The following TGM3 variants were observed in gnomAD, a reference collection of about 807,000 sequenced individuals.
TGM3 encodes the protein protein-glutamine gamma-glutamyltransferase E.
In TGM3, 52 loss-of-function variants were observed where a neutral mutation model predicts 73.8. The observed-to-expected ratio is 0.70, with a 90% CI of 0.56 to 0.89. TGM3 has a LOEUF of 0.89. Among genes scored for constraint, TGM3 ranks in the 40% least tolerant of loss-of-function variants. The pLI, the probability that TGM3 is intolerant of heterozygous loss-of-function variation, is 0.00. For missense variants in TGM3, 928 were observed against 909.9 expected (o/e 1.02, Z -0.26); for synonymous variants, 372 against 354.9 (o/e 1.05, Z -0.54).
At chr20:2,302,463 GCTTATTTCTTC>G (rs1190006641) in intron 1 of TGM3, among the ~76,000 whole-genome samples, 1 of 152,150 alleles carries the variant, frequency 6.6e-6, no homozygotes, top group African/African-American at 2.4e-5. Context: ...TAAGACAGAA[GCTTATTTCTTC>G]CTTACACGAA....
At chr20:2,331,935 G>A in intron 9 of TGM3, 67 bp from the exon 10 acceptor site, 1 of 1,530,132 alleles carries the variant, frequency 6.5e-7, no homozygotes, top group Middle Eastern at 1.8e-4. Flanking sequence ...TGTCCAGGCA[G>A]GGTACTGTCC....
intron 1 of TGM3, among the ~76,000 whole-genome samples, chr20:2,308,645 T>C (rs541360994): frequency 6.6e-6 from 1 of 152,324 alleles, no homozygotes; most frequent in African/African-American, 2.4e-5. Context: ...GGCTGAGGAT[T>C]CCCCAATTGC....
rs752590880 is a variant in TGM3, at chr20:2,328,372, G to A, written c.1333+7G>A. On this transcript the variant is annotated splice_region_variant and intron_variant, in intron 9 of 12. Transcript: ENST00000381458. The surrounding 1 kb of genome is among the most constrained non-coding windows in gnomAD (Gnocchi z 5.2). Reference sequence around the variant, plus strand: ...AAGTACAAGTACCCAGAAGGTAGGAGGGACGCTGGCGGGGCAGTGCCGCGA... The same window carrying A: ...AAGTACAAGTACCCAGAAGGTAGGAAGGACGCTGGCGGGGCAGTGCCGCGA... 3 of 1,613,760 alleles carry A rather than the reference G, an allele frequency of 1.9e-6. No homozygotes were observed. The Admixed American group carries it at 5.0e-5, about 27-fold the overall frequency.
intron 2 of TGM3, 118 bp from the exon 3 acceptor site, chr20:2,310,059 TG>T: frequency 6.8e-7 from 1 of 1,466,246 alleles, no homozygotes; most frequent in Non-Finnish European, 9.2e-7. Flanking sequence ...TTACTTCCAG[TG>T]GTAGAATATG....
chr20:2,312,345 C>T (rs777097119), intron 4 of TGM3, among the ~76,000 whole-genome samples: 6 of 131,150 alleles, frequency 4.6e-5, no homozygotes, highest in African/African-American at 1.4e-4. Context: ...CACGATGAGC[C>T]GAGATCATAC....
chr20:2,338,349 T>TA (rs2084362652), intron 11 of TGM3, among the ~76,000 whole-genome samples: 1 of 151,566 alleles, frequency 6.6e-6, no homozygotes, highest in Admixed American at 6.6e-5. Flanking sequence ...TAAGCGGCAT[T>TA]AAAAAAAGAA....
chr20:2,311,114 C>T lies in TGM3; in HGVS notation c.525C>T (p.Gly175=). The change falls in exon 4 of 13, where the codon GGC becomes GGT. Residue 175 remains glycine (G), a synonymous_variant. Coordinates refer to ENST00000381458, the MANE Select transcript of TGM3 (RefSeq NM_003245.4). ...GCACAAACCGAATTGGCATGATTGGCTGGAACTTTGGACAGGTAAAAGGGT... is the reference window on the plus strand; with the variant it reads ...GCACAAACCGAATTGGCATGATTGGTTGGAACTTTGGACAGGTAAAAGGGT... The part of the protein sequence containing the change: ...VGSTNRIGMI[G]WNFGQFEEDI... 6.2e-7 allele frequency: 1 copy of T among 1,614,024 alleles called. No homozygotes were observed. Among genetic ancestry groups the T allele is most frequent in the Non-Finnish European group, 8.5e-7 (1 of 1,179,922 alleles).
rs1469439423 is a variant in TGM3, at chr20:2,315,504, G to A, written c.670-1564G>A. ...AACTCACTACTGCACTGAGGGCCTG[G>A]CAAGGCTGGGCATGGCCTGTCCTGG... On this transcript the variant is annotated intron_variant, in intron 5 of 12. Coordinates refer to ENST00000381458, the MANE Select transcript of TGM3 (RefSeq NM_003245.4). Among the ~76,000 whole-genome samples, 4 of 152,222 alleles carry A rather than the reference G, an allele frequency of 2.6e-5. No homozygotes were observed. The East Asian group carries it at 7.7e-4, about 29-fold the overall frequency.
In TGM3 at chr20:2,340,867, T is replaced by C. The variant is rs2084378719; in HGVS notation, c.*286T>C. On this transcript the variant is annotated 3_prime_UTR_variant, in exon 13 of 13. Coordinates refer to ENST00000381458, the MANE Select transcript of TGM3 (RefSeq NM_003245.4). Reference sequence around the variant, plus strand: ...ACAGCCCTGCTCATTCCTCACGCCCTTCAATGCTGCAGGATGGACTGGCCC... The same window carrying C: ...ACAGCCCTGCTCATTCCTCACGCCCCTCAATGCTGCAGGATGGACTGGCCC... 1.8e-6 allele frequency: 1 copy of C among 554,626 alleles called. No homozygotes were observed. Among genetic ancestry groups the C allele is most frequent in the South Asian group, 1.5e-5 (1 of 65,446 alleles). The allele number at this position is 554,626 out of a possible 1,614,324, so 34.4% of individuals were successfully genotyped here.
At chr20:2,315,521 C>T (rs6075916) in intron 5 of TGM3, among the ~76,000 whole-genome samples, 4,082 of 152,318 alleles carry the variant, frequency 0.027, 99 homozygotes, top group African/African-American at 0.062. Flanking sequence ...TGGGCATGGC[C>T]TGTCCTGGGC....
Position 2,334,106 on chromosome 20 carries a change from G to T in TGM3, c.1643-1010G>T, listed in dbSNP as rs968125621. The stretch of plus-strand genomic sequence containing the variant: ...CCCATCAGGGTAGGGAAAGGGCCCC[G>T]CGGCCCACAGGGTCAGAAGAGAGGA... On this transcript the variant is annotated intron_variant, in intron 10 of 12. Coordinates refer to ENST00000381458, the MANE Select transcript of TGM3 (RefSeq NM_003245.4). This position sits in a 1 kb window ranked among gnomAD's most constrained non-coding sequence, Gnocchi z 4.0. 6.6e-6 allele frequency among the ~76,000 whole-genome samples: 1 copy of T among 152,252 alleles called. No homozygotes were observed. The highest frequency in any genetic ancestry group is 1.9e-4 in the East Asian group (1 of 5,162).
In TGM3 at chr20:2,332,271, TGGAA is replaced by T; in HGVS notation, c.1607_1610del (p.Lys536ThrfsTer17). 1 of 1,611,872 alleles carries T rather than the reference TGGAA, an allele frequency of 6.2e-7. No homozygotes were observed. On this transcript the variant is annotated frameshift_variant, in exon 10 of 13. Coordinates refer to ENST00000381458, the MANE Select transcript of TGM3 (RefSeq NM_003245.4). LOFTEE classifies it high-confidence loss of function. This position sits in a 1 kb window ranked among gnomAD's most constrained non-coding sequence, Gnocchi z 4.4. ...CAACGGCACGCTTGTACATGAAGTGTGGAAGGACTCTGCCACAATGTCCCTGGAC... is the reference window on the plus strand; with the variant it reads ...CAACGGCACGCTTGTACATGAAGTGTGGACTCTGCCACAATGTCCCTGGAC...
intron 5 of TGM3, among the ~76,000 whole-genome samples, chr20:2,313,311 A>T (rs1293905435): frequency 6.6e-6 from 1 of 152,206 alleles, no homozygotes; most frequent in Admixed American, 6.5e-5. Flanking sequence ...TCAGAGGAAA[A>T]GGGAGCTTGC....
Position 2,310,530 on chromosome 20 carries a change from G to A in TGM3, c.421+113G>A, listed in dbSNP as rs1245000470. The A allele has an allele frequency of 2.7e-6, 4 of 1,504,886 alleles. No homozygotes were observed. In the African/African-American group the frequency reaches 5.6e-5, roughly 21 times the overall value. The allele number at this position is 1,504,886 out of a possible 1,614,324, so 93.2% of individuals were successfully genotyped here. Reference sequence around the variant, plus strand: ...TTTGATTAGGGAAAGTCCATGGGCTGTGGAAAGGGCGCAGAAGCTAGAAAT... The same window carrying A: ...TTTGATTAGGGAAAGTCCATGGGCTATGGAAAGGGCGCAGAAGCTAGAAAT... On this transcript the variant is annotated intron_variant, in intron 3 of 12. Transcript: ENST00000381458.
intron 11 of TGM3, among the ~76,000 whole-genome samples, chr20:2,339,103 A>G (rs2084366468): frequency 6.6e-6 from 1 of 152,228 alleles, no homozygotes. Flanking sequence ...TGGGCTCTAG[A>G]AGTTTAGAAG....
At chr20:2,305,271 T>C (rs947240087) in intron 1 of TGM3, among the ~76,000 whole-genome samples, 26 of 152,096 alleles carry the variant, frequency 1.7e-4, no homozygotes, top group Non-Finnish European at 3.1e-4. Flanking sequence ...TTGGTTCCCC[T>C]GGCAACCAGC....
intron 9 of TGM3, among the ~76,000 whole-genome samples, chr20:2,330,386 T>C (rs2122244405): frequency 6.6e-6 from 1 of 152,260 alleles, no homozygotes; most frequent in Non-Finnish European, 1.5e-5. Flanking sequence ...CAGCTCTGGG[T>C]TGAACTTACA....
At chr20:2,315,723 G>GTT (rs2084229981) in intron 5 of TGM3, among the ~76,000 whole-genome samples, 1 of 152,224 alleles carries the variant, frequency 6.6e-6, no homozygotes, top group Admixed American at 6.5e-5. Flanking sequence ...AGACACCTCA[G>GTT]AGCACCTTTG....
Position 2,317,114 on chromosome 20 carries a change from G to A in TGM3, c.716G>A (p.Gly239Asp). 3 of 1,613,986 alleles carry A rather than the reference G, an allele frequency of 1.9e-6. No homozygotes were observed. Among genetic ancestry groups the A allele is most frequent in the Non-Finnish European group, 2.5e-6 (3 of 1,180,012 alleles). ...GGTGTGCTTGCTGGGAATTGGAGCGGCACTTACACCGGTGGCCGGGACCCA... is the reference window on the plus strand; with the variant it reads ...GGTGTGCTTGCTGGGAATTGGAGCGACACTTACACCGGTGGCCGGGACCCA... ...DNGVLAGNWS[G>D]TYTGGRDPRS... Residue 239 changes from glycine to aspartate, a missense_variant, in exon 6 of 13, where the codon GGC (glycine) becomes GAC (aspartate). Coordinates refer to ENST00000381458, the MANE Select transcript of TGM3 (RefSeq NM_003245.4).
Sources: gnomAD v4.1 joint callset for allele counts (sites outside exome capture counted in the v4.1 genomes callset) on GRCh38, gnomAD v4.1.1 for gene constraint, Gnocchi (gnomAD v3.1) non-coding constraint, MANE v1.5 for transcripts, NCBI Gene and HGNC (gene_info 2026-07-23, HGNC 2026-07-21) for gene names.